The following PUM2 variants were observed in gnomAD, a reference collection of about 807,000 sequenced individuals.
PUM2 encodes pumilio RNA binding family member 2, also known as pumilio homolog 2.
In PUM2, 57 loss-of-function variants were observed where a neutral mutation model predicts 124.5. The ratio of observed to expected loss-of-function variants is 0.46; its 90% confidence interval spans 0.37 to 0.57. The LOEUF (loss-of-function observed/expected upper bound fraction) is 0.57, where lower values mean the gene tolerates loss of function less well. Among genes scored for constraint, PUM2 ranks in the 20% least tolerant of loss-of-function variants. PUM2 has a pLI of 0.00. For synonymous variants in PUM2, 460 were observed against 446.1 expected, an observed-to-expected ratio of 1.03 and a Z score of -0.39; for missense variants, 1,065 against 1,290.6, an observed-to-expected ratio of 0.83 and a Z score of 2.68.
rs67834545 is a variant in PUM2, at chr2:20,305,463, GAAAAA to G, written c.883+2510_883+2514del. ...GGTGACAGAGTAAGACCCTGTCTTC[GAAAAA>G]AAAAAAAAAAAAAAAAAAAAGACGT... On this transcript the variant is annotated intron_variant, in intron 7 of 20. Coordinates refer to ENST00000361078, the MANE Select transcript of PUM2 (RefSeq NM_015317.5). Among the ~76,000 whole-genome samples the G allele has an allele frequency of 2.3e-3, 105 of 46,150 alleles. 1 individual carries two copies. The highest frequency in any genetic ancestry group is 8.9e-3 in the African/African-American group (92 of 10,394). 30.3% of individuals were successfully genotyped at this position (46,150 alleles called of 152,430 possible). A position where few individuals can be genotyped will look rare whatever the true frequency, so the allele number is the denominator to read the frequency against.
At chr2:20,269,970 T>C (rs1668645606) in intron 13 of PUM2, among the ~76,000 whole-genome samples, 1 of 152,132 alleles carries the variant, frequency 6.6e-6, no homozygotes, top group African/African-American at 2.4e-5. Flanking sequence ...TGACATCATT[T>C]CCATCAATAA....
At chr2:20,262,477 T>C (rs770535882) in intron 14 of PUM2, among the ~76,000 whole-genome samples, 4 of 152,236 alleles carry the variant, frequency 2.6e-5, no homozygotes, top group Admixed American at 6.5e-5. Context: ...TAGTAGGCTA[T>C]GCCATCTAGG....
chr2:20,256,304 G>A, intron 16 of PUM2, 134 bp from the exon 17 acceptor site: 2 of 808,038 alleles, frequency 2.5e-6, no homozygotes. Context: ...ACTGAGATGG[G>A]AACACAAATA....
rs1384519570 is a variant in PUM2, at chr2:20,271,886, T to C, written c.1957+6697A>G. Among the ~76,000 whole-genome samples, 3 of 152,150 alleles carry C rather than the reference T, an allele frequency of 2.0e-5. 1 individual carries two copies. Among genetic ancestry groups the C allele is most frequent in the Admixed American group, 2.0e-4 (3 of 15,268 alleles). Reference sequence around the variant, plus strand: ...GAAATAAAAGCATCCTGACCAGGCATGGTGGCTCACACCTGTAATCCCAGC... The same window carrying C: ...GAAATAAAAGCATCCTGACCAGGCACGGTGGCTCACACCTGTAATCCCAGC... On this transcript the variant is annotated intron_variant, in intron 13 of 20. Coordinates refer to ENST00000361078, the MANE Select transcript of PUM2 (RefSeq NM_015317.5).
rs199837047 is a variant in PUM2 at position 20,344,826 on chromosome 2, C to CA, written c.-19+5770dup. ...TGAAACCCCGTCTCTACTAAAAATA[C>CA]AAAAAAAATAGCAGGGCTTCGTGGC... On this transcript the variant is annotated intron_variant, in intron 1 of 20. Coordinates refer to ENST00000361078, the MANE Select transcript of PUM2 (RefSeq NM_015317.5). 7.1e-3 allele frequency among the ~76,000 whole-genome samples: 1,076 copies of CA among 150,690 alleles called. 18 individuals carry two copies. Among genetic ancestry groups the CA allele is most frequent in the African/African-American group, 0.025 (1,032 of 41,194 alleles).
intron 14 of PUM2, among the ~76,000 whole-genome samples, chr2:20,262,730 T>C (rs1666602922): frequency 6.6e-6 from 1 of 152,248 alleles, no homozygotes; most frequent in Non-Finnish European, 1.5e-5. Flanking sequence ...CAGATGTATC[T>C]CTCATGTATT....
At chr2:20,332,164 C>G (rs1685050387) in intron 1 of PUM2, among the ~76,000 whole-genome samples, 2 of 152,142 alleles carry the variant, frequency 1.3e-5, no homozygotes, top group Non-Finnish European at 2.9e-5. Flanking sequence ...TGCTCTCATT[C>G]ACTTTCTCTC....
At chr2:20,292,155 G>A (rs1016796316) in intron 9 of PUM2, among the ~76,000 whole-genome samples, 14 of 151,132 alleles carry the variant, frequency 9.3e-5, no homozygotes, top group Non-Finnish European at 1.9e-4. Flanking sequence ...TGCTCCCGGC[G>A]CCACTGCCCT....
intron 1 of PUM2, among the ~76,000 whole-genome samples, chr2:20,344,743 G>A (rs1687888902): frequency 1.3e-5 from 2 of 152,184 alleles, no homozygotes; most frequent in East Asian, 1.9e-4. Context: ...AGCACTTTGG[G>A]AGGCTGAGGC....
Position 20,350,418 on chromosome 2 carries a change from G to A in PUM2, c.-19+179C>T, listed in dbSNP as rs960241936. On this transcript the variant is annotated intron_variant, in intron 1 of 20. Coordinates refer to ENST00000361078, the MANE Select transcript of PUM2 (RefSeq NM_015317.5). ...CCCCGCACGCGCACACCCCCTTCCG[G>A]CACCCCTCCCCCTGCATTGTGCGAG... is the stretch of plus-strand genomic sequence containing the variant. 2.2e-5 allele frequency: 20 copies of A among 925,148 alleles called. No individual in the cohort carries two copies. In the African/African-American group the frequency reaches 3.4e-4, roughly 16 times the overall value. The allele number at this position is 925,148 out of a possible 1,614,324, so 57.3% of individuals were successfully genotyped here. A position where few individuals can be genotyped will look rare whatever the true frequency, so the allele number is the denominator to read the frequency against.
chr2:20,291,366 C>T (rs545396469), intron 9 of PUM2, among the ~76,000 whole-genome samples: 1 of 152,370 alleles, frequency 6.6e-6, no homozygotes, highest in Non-Finnish European at 1.5e-5. Flanking sequence ...CCTGGGGTCA[C>T]ATCTTCACTG....
intron 10 of PUM2, among the ~76,000 whole-genome samples, chr2:20,284,843 C>T (rs1672357591): frequency 6.6e-6 from 1 of 152,154 alleles, no homozygotes. Flanking sequence ...GTAAGACACA[C>T]ATGCATAGGT....
intron 13 of PUM2, among the ~76,000 whole-genome samples, chr2:20,268,018 G>A (rs1271879803): frequency 6.6e-6 from 1 of 152,080 alleles, no homozygotes; most frequent in Admixed American, 6.5e-5. Context: ...GGTCCTCCGC[G>A]GGGCAAGGGG....
At chr2:20,344,754 C>T (rs968970836) in intron 1 of PUM2, among the ~76,000 whole-genome samples, 5 of 151,786 alleles carry the variant, frequency 3.3e-5, no homozygotes, top group African/African-American at 7.2e-5. Flanking sequence ...AGGCTGAGGC[C>T]GGCGGATCAC....
chr2:20,266,200 T>G (rs1347074836), intron 13 of PUM2, among the ~76,000 whole-genome samples: 2 of 152,124 alleles, frequency 1.3e-5, no homozygotes, highest in African/African-American at 4.8e-5. Context: ...CCAGCATTTT[T>G]GGGAGGCTGA....
chr2:20,339,662 C>A (rs867206263), intron 1 of PUM2, among the ~76,000 whole-genome samples: 23 of 152,258 alleles, frequency 1.5e-4, no homozygotes, highest in African/African-American at 5.5e-4. Flanking sequence ...GGTGGACCAC[C>A]TGAGGTCAGG....
chr2:20,294,778 A>T (rs1291358449), intron 8 of PUM2, among the ~76,000 whole-genome samples: 3 of 152,230 alleles, frequency 2.0e-5, no homozygotes, highest in African/African-American at 7.2e-5. Context: ...CATTTAATGA[A>T]TGCCAATTTT....
intron 1 of PUM2, among the ~76,000 whole-genome samples, chr2:20,332,288 T>A (rs1341278864): frequency 1.4e-5 from 1 of 69,700 alleles, no homozygotes; most frequent in African/African-American, 4.0e-5. Context: ...CTAGAGTGTG[T>A]GTGTGTGTGT....
intron 20 of PUM2, among the ~76,000 whole-genome samples, chr2:20,253,396 G>A (rs1440825199): frequency 1.3e-5 from 2 of 152,102 alleles, no homozygotes; most frequent in South Asian, 2.1e-4. Flanking sequence ...TGTAGAGATG[G>A]GGGTCTATGT....
Sources: gnomAD v4.1 joint callset for allele counts (sites outside exome capture counted in the v4.1 genomes callset) on GRCh38, gnomAD v4.1.1 for gene constraint, MANE v1.5 for transcripts, NCBI Gene and HGNC (gene_info 2026-07-23, HGNC 2026-07-21) for gene names.